Variants in FLNB observed in about 807,000 individuals in gnomAD.
FLNB encodes the protein filamin B.
In FLNB, 111 loss-of-function variants were observed where a neutral mutation model predicts 250.6. The ratio of observed to expected loss-of-function variants is 0.44; its 90% CI spans 0.38 to 0.52. The LOEUF (loss-of-function observed/expected upper bound fraction) is 0.52, where lower values mean the gene tolerates loss of function less well. Ranked by LOEUF, FLNB falls within the 20% of genes least tolerant of loss-of-function variation. The pLI, the probability that FLNB is intolerant of heterozygous loss-of-function variation, is 0.00. For missense variants in FLNB, 2,869 were observed against 3,447.8 expected (o/e 0.83, Z 4.20); for synonymous variants, 1,302 against 1,372.1 (o/e 0.95, Z 1.13).
rs201492364 is a variant in FLNB, at chr3:58,148,412, G to A, written c.5887+48G>A. The A allele has an allele frequency of 9.4e-6, 15 of 1,589,812 alleles. No homozygotes were observed. In the East Asian group the frequency reaches 2.5e-4, roughly 27 times the overall value. On this transcript the variant is annotated intron_variant, in intron 35 of 45. Coordinates refer to ENST00000295956, the MANE Select transcript of FLNB (RefSeq NM_001457.4). Reference sequence around the variant, plus strand: ...GCTGGAGCCAGGACATCTTGGGTGGGAGATGGGGACTCTTGCAGTCCTTTC... The same window carrying A: ...GCTGGAGCCAGGACATCTTGGGTGGAAGATGGGGACTCTTGCAGTCCTTTC...
intron 1 of FLNB, among the ~76,000 whole-genome samples, chr3:58,025,891 A>G (rs1375757077): frequency 6.6e-6 from 1 of 152,224 alleles, no homozygotes; most frequent in Non-Finnish European, 1.5e-5. Context: ...ATGCCACTGC[A>G]CTCCAGCCTG....
intron 40 of FLNB, among the ~76,000 whole-genome samples, 196 bp downstream of exon 40, chr3:58,155,124 T>C (rs1400239655): frequency 5.3e-5 from 8 of 152,202 alleles, no homozygotes. Context: ...TCTGGTTGCC[T>C]TTTGCCTTTC....
At chr3:58,152,845 T>TGG in intron 38 of FLNB, 1 of 839,264 alleles carries the variant, frequency 1.2e-6, no homozygotes, top group Non-Finnish European at 1.7e-6. Flanking sequence ...GGCACAGTCG[T>TGG]TGGCATGACG....
chr3:58,159,485 T>A, intron 41 of FLNB, 69 bp from the exon 42 acceptor site: 1 of 1,525,322 alleles, frequency 6.6e-7, no homozygotes, highest in Non-Finnish European at 9.1e-7. Flanking sequence ...CAGTTTTGGG[T>A]AGGGTCAGTG....
intron 1 of FLNB, among the ~76,000 whole-genome samples, chr3:58,071,057 C>T (rs1352107895): frequency 6.6e-6 from 1 of 151,322 alleles, no homozygotes; most frequent in African/African-American, 2.4e-5. Context: ...AGCAATCCTC[C>T]TGCCTCAGCC....
At chr3:58,059,643 C>T (rs1300543694) in intron 1 of FLNB, among the ~76,000 whole-genome samples, 1 of 152,178 alleles carries the variant, frequency 6.6e-6, no homozygotes, top group Non-Finnish European at 1.5e-5. Flanking sequence ...TGCCCTTGGA[C>T]AGTGCGCCTC....
intron 1 of FLNB, among the ~76,000 whole-genome samples, chr3:58,010,458 C>T (rs962456414): frequency 2.6e-5 from 4 of 152,182 alleles, no homozygotes; most frequent in African/African-American, 4.8e-5. Flanking sequence ...CAGCCCTCCC[C>T]CTCCCCAAGG....
chr3:58,040,381 T>C (rs942954835), intron 1 of FLNB, among the ~76,000 whole-genome samples: 1 of 152,222 alleles, frequency 6.6e-6, no homozygotes, highest in Admixed American at 6.5e-5. Flanking sequence ...CTTACTCTTA[T>C]GGAGCCATTG....
rs535805626 is a variant in FLNB, at chr3:58,124,322, T to C, written c.3725-10T>C. 1 of 1,614,202 alleles carries C rather than the reference T, an allele frequency of 6.2e-7. No homozygotes were observed. Among genetic ancestry groups the C allele is most frequent in the East Asian group, 2.2e-5 (1 of 44,890 alleles). On this transcript the variant is annotated splice_polypyrimidine_tract_variant and intron_variant, in intron 21 of 45. Transcript: ENST00000295956. ...CTGGTGGCAGTGTTAGCTATGTGCT[T>C]GCTCTGCAGATGTGTTCCGGGAAGC...
chr3:58,100,860 A>C (rs1229356786), intron 8 of FLNB, among the ~76,000 whole-genome samples: 3 of 151,612 alleles, frequency 2.0e-5, no homozygotes, highest in African/African-American at 7.3e-5. Flanking sequence ...CGGCCTCCCA[A>C]AATGCTGGGT....
In FLNB at chr3:58,124,353, C is replaced by A. The variant is rs2097294134; in HGVS notation, c.3746C>A (p.Thr1249Asn). 5.0e-6 allele frequency: 8 copies of A among 1,614,226 alleles called. No homozygotes were observed. The highest frequency in any genetic ancestry group is 6.8e-6 in the Non-Finnish European group (8 of 1,180,032). Reference protein sequence around the residue: ...EGKDVFREATTDFTVDSRPLT... With the variant: ...EGKDVFREATNDFTVDSRPLT... ...GCAGATGTGTTCCGGGAAGCTACCA[C>A]CGACTTTACAGTTGACTCTCGGCCG... The change falls in exon 22 of 46, where the codon ACC becomes AAC. Residue 1249 changes from threonine (T) to asparagine (N), a missense_variant. Thr to Asn is a moderately conservative substitution (Grantham distance 65). This residue lies in a region of FLNB where 1,348 missense variants were observed against 1,466.7 expected (regional missense o/e 0.92). Coordinates refer to ENST00000295956, the MANE Select transcript of FLNB (RefSeq NM_001457.4).
Position 58,008,908 on chromosome 3 carries a change from G to A in FLNB, c.292+52G>A, listed in dbSNP as rs1161543753. Reference sequence around the variant, plus strand: ...CCCACTGTGGTGCCGACCCGCCCCCGCGCGTGCACCCCTGCGGAGGGCGAG... The same window carrying A: ...CCCACTGTGGTGCCGACCCGCCCCCACGCGTGCACCCCTGCGGAGGGCGAG... On this transcript the variant is annotated intron_variant, in intron 1 of 45. Coordinates refer to ENST00000295956, the MANE Select transcript of FLNB (RefSeq NM_001457.4). 4 of 1,603,874 alleles carry A rather than the reference G, an allele frequency of 2.5e-6. No individual in the cohort carries two copies. The South Asian group carries it at 4.4e-5, about 18-fold the overall frequency.
rs1188460365 is a variant in FLNB, at chr3:58,163,250, T to G, written c.7118T>G (p.Val2373Gly). The change falls in exon 43 of 46, where the codon GTG (valine) becomes GGG (glycine). Residue 2373 changes from valine (V) to glycine (G), a missense_variant. Transcript: ENST00000295956. ...CACGTGGTTGGAAGCCCCTTCAAAGTGCGCGTTGGGGAGCCTGGACAAGCG... is the reference window on the plus strand; with the variant it reads ...CACGTGGTTGGAAGCCCCTTCAAAGGGCGCGTTGGGGAGCCTGGACAAGCG... The part of the protein sequence containing the change: ...GSHVVGSPFK[V>G]RVGEPGQAGN... 6.2e-7 allele frequency: 1 copy of G among 1,614,222 alleles called. No individual in the cohort carries two copies. Among genetic ancestry groups the G allele is most frequent in the Middle Eastern group, 1.7e-4 (1 of 6,060 alleles).
rs758836607 is a variant in FLNB at position 58,108,496 on chromosome 3, C to T, written c.1980C>T (p.Cys660=). The T allele has an allele frequency of 1.2e-6, 2 of 1,614,018 alleles. No homozygotes were observed. The highest frequency in any genetic ancestry group is 1.1e-5 in the South Asian group (1 of 91,072). Residue 660 remains cysteine (C), a synonymous_variant, in exon 13 of 46, where the codon TGC becomes TGT. Transcript: ENST00000295956. The part of the protein sequence containing the change: ...AYGPGLEKSG[C]IVNNLAEFTV... ...GGCCAGGTTTGGAGAAATCTGGATG[C>T]ATTGTCAACAACCTGGCCGAGTTCA...
In FLNB at chr3:58,123,230, C is replaced by T. The variant is rs112864468; in HGVS notation, c.3264C>T (p.Ser1088=). 8.4e-4 allele frequency: 1,348 copies of T among 1,614,112 alleles called. 11 individuals carry two copies. In the African/African-American group the frequency reaches 0.01, roughly 12 times the overall value. Residue 1088 remains serine, a synonymous_variant, in exon 21 of 46, where the codon TCC becomes TCT. Transcript: ENST00000295956. The part of the protein sequence containing the change: ...EGPCEAKIEC[S]DNGDGTCSVS... ...CGTGCGAGGCCAAAATCGAGTGCTC[C>T]GACAATGGTGATGGGACCTGCTCCG...
At chr3:58,042,350 T>TG (rs1476244261) in intron 1 of FLNB, among the ~76,000 whole-genome samples, 2 of 150,986 alleles carry the variant, frequency 1.3e-5, no homozygotes, top group South Asian at 4.2e-4. Context: ...TGTAGGTTTT[T>TG]TTTTTTTTTT....
chr3:58,027,441 T>G (rs959460395), intron 1 of FLNB, among the ~76,000 whole-genome samples: 6 of 151,906 alleles, frequency 3.9e-5, no homozygotes, highest in African/African-American at 1.2e-4. Flanking sequence ...GTGCCTGGCC[T>G]CAGCTAACTT....
chr3:58,027,485 T>C (rs1305738754), intron 1 of FLNB, among the ~76,000 whole-genome samples: 1 of 152,110 alleles, frequency 6.6e-6, no homozygotes, highest in Non-Finnish European at 1.5e-5. Context: ...TTTCACCATG[T>C]TGGCCAGGCT....
At chr3:58,160,232 T>A (rs1314544267) in intron 42 of FLNB, among the ~76,000 whole-genome samples, 2 of 152,202 alleles carry the variant, frequency 1.3e-5, no homozygotes, top group Non-Finnish European at 2.9e-5. Context: ...CTCACTTTAC[T>A]CTAAAGGAAA....
Sources: allele counts gnomAD v4.1 joint callset (sites outside exome capture counted in the v4.1 genomes callset), GRCh38; gene constraint gnomAD v4.1.1; regional missense constraint gnomAD v4.1.1; transcripts MANE v1.5; gene names NCBI Gene and HGNC (gene_info 2026-07-23, HGNC 2026-07-21).